The following KDM2B variants were observed in gnomAD, a reference collection of about 807,000 sequenced individuals.
KDM2B encodes lysine-specific demethylase 2B.
KDM2B carries 26 observed loss-of-function variants against 150.0 expected under a neutral mutation model. The observed-to-expected ratio is 0.17, with a 90% CI of 0.13 to 0.24. KDM2B has a LOEUF of 0.24. Ranked by LOEUF, KDM2B falls within the 10% of genes least tolerant of loss-of-function variation. The pLI is 1.00. For synonymous variants in KDM2B, 734 were observed against 729.5 expected (o/e 1.01, Z -0.10); for missense variants, 1,265 against 1,816.9 (o/e 0.70, Z 5.52).
At chr12:121,497,929 C>T (rs1216164726) in intron 11 of KDM2B, among the ~76,000 whole-genome samples, 1 of 151,936 alleles carries the variant, frequency 6.6e-6, no homozygotes, top group Non-Finnish European at 1.5e-5. Context: ...AACCCCATCA[C>T]TACTAAAACT....
intron 11 of KDM2B, among the ~76,000 whole-genome samples, chr12:121,503,636 G>T (rs1047207232): frequency 7.9e-5 from 12 of 152,118 alleles, no homozygotes; most frequent in Non-Finnish European, 1.8e-4. Flanking sequence ...TAACTTGGAG[G>T]GGGGATGAGG....
At chr12:121,579,340 G>C (rs1185847641) in intron 1 of KDM2B, among the ~76,000 whole-genome samples, 3 of 152,242 alleles carry the variant, frequency 2.0e-5, no homozygotes, top group African/African-American at 7.2e-5. Context: ...GAGCCGCTGC[G>C]GCGCCCGGCT....
intron 13 of KDM2B, among the ~76,000 whole-genome samples, chr12:121,449,516 G>A (rs1042139944): frequency 2.6e-5 from 4 of 152,230 alleles, no homozygotes; most frequent in South Asian, 2.1e-4. Flanking sequence ...ACCAGCATGC[G>A]CTGTGCCAGG....
intron 4 of KDM2B, among the ~76,000 whole-genome samples, chr12:121,566,024 A>C (rs1483089487): frequency 6.6e-6 from 1 of 152,058 alleles, no homozygotes; most frequent in African/African-American, 2.4e-5. Context: ...TCTTCCACCA[A>C]ACAGAAAAAT....
intron 8 of KDM2B, among the ~76,000 whole-genome samples, chr12:121,528,553 C>T (rs782810489): frequency 5.3e-5 from 8 of 150,738 alleles, no homozygotes; most frequent in South Asian, 2.1e-4. Flanking sequence ...GGGTGAGACT[C>T]TGTCTCAAAA....
chr12:121,486,679 G>A (rs577424235), intron 12 of KDM2B, among the ~76,000 whole-genome samples: 3 of 151,940 alleles, frequency 2.0e-5, no homozygotes, highest in Non-Finnish European at 4.4e-5. Context: ...CCAGCTACTC[G>A]GGAGGCTGAG....
chr12:121,577,303 C>T (rs1044205019), intron 2 of KDM2B, among the ~76,000 whole-genome samples: 11 of 152,182 alleles, frequency 7.2e-5, no homozygotes, highest in African/African-American at 2.7e-4. Flanking sequence ...CTGAGAATTC[C>T]TCCCAAATGA....
At chr12:121,472,513 A>G (rs991759318) in intron 12 of KDM2B, among the ~76,000 whole-genome samples, 1 of 152,194 alleles carries the variant, frequency 6.6e-6, no homozygotes, top group Admixed American at 6.5e-5. Context: ...ACATATATTC[A>G]TCATATAAAT....
At chr12:121,474,717 C>T (rs1450919089) in intron 12 of KDM2B, among the ~76,000 whole-genome samples, 2 of 152,190 alleles carry the variant, frequency 1.3e-5, no homozygotes, top group Non-Finnish European at 2.9e-5. Flanking sequence ...CTTTGGAAGG[C>T]TGAGGTGGGC....
chr12:121,500,363 T>C (rs74797518), intron 11 of KDM2B, among the ~76,000 whole-genome samples: 1 of 152,136 alleles, frequency 6.6e-6, no homozygotes, highest in African/African-American at 2.4e-5. Flanking sequence ...AAGAGAAAGA[T>C]CCAACCGTGG....
chr12:121,516,550 C>CATT, intron 9 of KDM2B: 1 of 1,446,348 alleles, frequency 6.9e-7, no homozygotes, highest in Non-Finnish European at 9.1e-7. Flanking sequence ...GGTTGCTCAA[C>CATT]ATTATTTGTT....
At chr12:121,416,417 C>T in the KDM2B span, 1 of 1,312,152 alleles carries the variant, frequency 7.6e-7, no homozygotes, top group Non-Finnish European at 1.1e-6. Flanking sequence ...ACACATGGGT[C>T]AGCATTCTTG....
chr12:121,507,099 G>GAA (rs577971662), intron 11 of KDM2B, among the ~76,000 whole-genome samples: 15 of 39,378 alleles, frequency 3.8e-4, no homozygotes, highest in African/African-American at 7.2e-4. Context: ...TCTGTCTCAA[G>GAA]AAAAAAAAAA....
At chr12:121,507,790 C>T (rs11065605) in intron 11 of KDM2B, among the ~76,000 whole-genome samples, 6 of 151,954 alleles carry the variant, frequency 3.9e-5, no homozygotes, top group Non-Finnish European at 7.4e-5. Context: ...GTGGGAGGAT[C>T]GCTTGAGCTC....
At chr12:121,578,709 G>C (rs1891707081) in intron 2 of KDM2B, 93 bp downstream of exon 2, 4 of 911,968 alleles carry the variant, frequency 4.4e-6, no homozygotes, top group Non-Finnish European at 5.4e-6. Flanking sequence ...TGGGGGACGC[G>C]GGCGCGAAAT....
At chr12:121,416,853 C>G in the KDM2B span, among the ~76,000 whole-genome samples, 1 of 152,196 alleles carries the variant, frequency 6.6e-6, no homozygotes, top group Non-Finnish European at 1.5e-5. Context: ...AGAGACCCAT[C>G]ATATTGGTAG....
intron 4 of KDM2B, among the ~76,000 whole-genome samples, chr12:121,562,620 C>T (rs1051090706): frequency 4.6e-5 from 7 of 151,138 alleles, no homozygotes; most frequent in African/African-American, 1.7e-4. Flanking sequence ...ATACAGACAC[C>T]CAGTAAATCT....
At chr12:121,410,422 G>A in the KDM2B span, among the ~76,000 whole-genome samples, 5 of 151,484 alleles carry the variant, frequency 3.3e-5, no homozygotes, top group African/African-American at 4.9e-5. Flanking sequence ...CTGTAATCCC[G>A]GCTACTTGGG....
chr12:121,416,451 A>C, the KDM2B span: 1 of 1,006,356 alleles, frequency 9.9e-7, no homozygotes, highest in South Asian at 1.4e-5. Flanking sequence ...TTGAATAGCT[A>C]TTGAATTTTC....
Sources: gnomAD v4.1 joint callset for allele counts (sites outside exome capture counted in the v4.1 genomes callset) on GRCh38, gnomAD v4.1.1 for gene constraint, MANE v1.5 for transcripts, NCBI Gene and HGNC (gene_info 2026-07-23, HGNC 2026-07-21) for gene names.